SUPT3H: variants seen among roughly 807,000 people sequenced by gnomAD.
SUPT3H encodes SPT3 homolog, SAGA and STAGA complex component.
In SUPT3H, 44 loss-of-function variants were observed where a neutral mutation model predicts 44.3. That is an observed-to-expected ratio of 0.99 (90% CI 0.78 to 1.28). The LOEUF (loss-of-function observed/expected upper bound fraction) is 1.28. Ranked by LOEUF, SUPT3H falls within the 50% of genes most tolerant of loss-of-function variation. The probability of loss-of-function intolerance (pLI) is 0.00; values close to 1 mark genes in which losing one functional copy is unlikely to be tolerated. For missense variants in SUPT3H, 380 were observed against 387.1 expected (o/e 0.98, Z 0.15); for synonymous variants, 124 against 125.6 (o/e 0.99, Z 0.09).
chr6:44,834,390 T>C (rs1442580727), intron 10 of SUPT3H, among the ~76,000 whole-genome samples: 5 of 152,188 alleles, frequency 3.3e-5, no homozygotes, highest in Admixed American at 6.5e-5. Flanking sequence ...TCTCTCACTT[T>C]AGGTTATCTG....
chr6:45,283,076 C>T (rs1441849426), intron 2 of SUPT3H, among the ~76,000 whole-genome samples: 3 of 152,248 alleles, frequency 2.0e-5, no homozygotes, highest in East Asian at 1.9e-4. Flanking sequence ...AAAAGAGCTC[C>T]TGAAGGAAGC....
intron 6 of SUPT3H, among the ~76,000 whole-genome samples, chr6:44,979,137 C>T (rs1778748160): frequency 6.6e-6 from 1 of 152,146 alleles, no homozygotes; most frequent in Admixed American, 6.5e-5. Flanking sequence ...TTTGCATACC[C>T]TCCTTTGCAT....
At position 45,137,023 on chromosome 6, in the gene SUPT3H, A is replaced by G. The variant is rs9395067; in HGVS notation, c.102-31017T>C. On this transcript the variant is annotated intron_variant, in intron 2 of 10. Coordinates refer to ENST00000371459, the MANE Select transcript of SUPT3H (RefSeq NM_003599.4). ...AAGCATAAGATAAGTGACTCATTCC[A>G]TACAAGGGAATTACAACTGGATTAA... Among the ~76,000 whole-genome samples the G allele has an allele frequency of 2.5e-3, 374 of 152,296 alleles. 13 individuals carry two copies. In the East Asian group the frequency reaches 0.065, roughly 26 times the overall value.
chr6:44,864,899 G>T (rs1775253036), intron 10 of SUPT3H, among the ~76,000 whole-genome samples: 4 of 152,202 alleles, frequency 2.6e-5, no homozygotes, highest in Non-Finnish European at 4.4e-5. Flanking sequence ...AAGCTGGCTT[G>T]AATTTCTCCT....
intron 2 of SUPT3H, among the ~76,000 whole-genome samples, chr6:45,172,078 T>C (rs1008531841): frequency 1.3e-4 from 20 of 150,386 alleles, no homozygotes; most frequent in African/African-American, 4.9e-4. Flanking sequence ...TTATCTTTTT[T>C]TTTTTTTCTT....
chr6:45,356,244 T>C (rs1015383779), intron 2 of SUPT3H, among the ~76,000 whole-genome samples: 2 of 151,960 alleles, frequency 1.3e-5, no homozygotes, highest in Admixed American at 6.6e-5. Flanking sequence ...TACATAGGTG[T>C]CCAAAAAAGA....
intron 2 of SUPT3H, among the ~76,000 whole-genome samples, chr6:45,310,518 A>G (rs144333027): frequency 0.017 from 2,664 of 152,254 alleles, 50 homozygotes; most frequent in South Asian, 0.085. Context: ...GAACCCTCAC[A>G]GAGTCCGTTG....
chr6:44,905,161 T>C (rs1237803987), intron 10 of SUPT3H, among the ~76,000 whole-genome samples: 2 of 151,942 alleles, frequency 1.3e-5, no homozygotes, highest in Admixed American at 6.6e-5. Flanking sequence ...GAAGCCAAAA[T>C]TGACAAATGG....
chr6:45,079,299 G>T (rs946539523), intron 3 of SUPT3H, among the ~76,000 whole-genome samples: 3 of 151,938 alleles, frequency 2.0e-5, no homozygotes, highest in Admixed American at 1.3e-4. Flanking sequence ...GCCAGAGTGA[G>T]ACTCCACAAA....
chr6:45,135,596 C>T (rs1804148485), intron 2 of SUPT3H, among the ~76,000 whole-genome samples: 1 of 152,152 alleles, frequency 6.6e-6, no homozygotes, highest in South Asian at 2.1e-4. Context: ...AAGTCCTTTG[C>T]TAATTTATAA....
chr6:45,196,305 A>G (rs1294641729), intron 2 of SUPT3H, among the ~76,000 whole-genome samples: 1 of 152,108 alleles, frequency 6.6e-6, no homozygotes, highest in Admixed American at 6.6e-5. Context: ...AACCACAAAT[A>G]GTAAAAGTGT....
chr6:45,097,231 A>T lies in SUPT3H; in HGVS notation c.186+8691T>A, dbSNP rs147047067. On this transcript the variant is annotated intron_variant, in intron 3 of 10. Coordinates refer to ENST00000371459, the MANE Select transcript of SUPT3H (RefSeq NM_003599.4). ...TTCCTCAAATATGAGGTGTCCCTGAACATTCTTTTGAATACTGGTGTTTCA... is the reference window on the plus strand; with the variant it reads ...TTCCTCAAATATGAGGTGTCCCTGATCATTCTTTTGAATACTGGTGTTTCA... Among the ~76,000 whole-genome samples, 1,160 of 152,310 alleles carry T rather than the reference A, an allele frequency of 7.6e-3. 8 individuals are homozygous for T. The highest frequency in any genetic ancestry group is 0.012 in the Non-Finnish European group (825 of 68,030).
At chr6:45,233,155 A>G (rs1768398141) in intron 2 of SUPT3H, among the ~76,000 whole-genome samples, 1 of 152,260 alleles carries the variant, frequency 6.6e-6, no homozygotes, top group African/African-American at 2.4e-5. Context: ...GGTGTGCTGC[A>G]CTGTCCTTAC....
chr6:44,961,878 T>A lies in SUPT3H; in HGVS notation c.505-50A>T, dbSNP rs1166744969. 2.1e-6 allele frequency: 3 copies of A among 1,425,900 alleles called. 1 individual carries two copies. The highest frequency in any genetic ancestry group is 1.4e-5 in the African/African-American group (1 of 70,158). The allele number at this position is 1,425,900 out of a possible 1,614,324, so 88.3% of individuals were successfully genotyped here. On this transcript the variant is annotated intron_variant, in intron 6 of 10. Coordinates refer to ENST00000371459, the MANE Select transcript of SUPT3H (RefSeq NM_003599.4). ...TTTTTAAAGCAAGCAGATTATTATA[T>A]ATGTTTTCACAGCTTAAACTTAGAA...
intron 2 of SUPT3H, among the ~76,000 whole-genome samples, chr6:45,253,354 AT>A (rs1448259193): frequency 6.6e-6 from 1 of 152,202 alleles, no homozygotes; most frequent in Non-Finnish European, 1.5e-5. Flanking sequence ...GTAGACAACA[AT>A]GATCTGATAA....
chr6:45,086,644 A>G (rs1796508753), intron 3 of SUPT3H, among the ~76,000 whole-genome samples: 2 of 151,922 alleles, frequency 1.3e-5, no homozygotes, highest in South Asian at 4.1e-4. Flanking sequence ...CAATTCTTCC[A>G]TCTCTAAAAC....
At chr6:45,350,156 T>C (rs976685849) in intron 2 of SUPT3H, among the ~76,000 whole-genome samples, 1 of 152,224 alleles carries the variant, frequency 6.6e-6, no homozygotes, top group Non-Finnish European at 1.5e-5. Flanking sequence ...ATATTTCTAA[T>C]ACAATTAGAA....
intron 2 of SUPT3H, among the ~76,000 whole-genome samples, chr6:45,345,551 T>C (rs1159450695): frequency 1.3e-5 from 2 of 152,198 alleles, no homozygotes; most frequent in Non-Finnish European, 1.5e-5. Flanking sequence ...ATAGAAACCT[T>C]GGAATCATTT....
At chr6:44,830,821 T>C (rs1768527513) in intron 10 of SUPT3H, among the ~76,000 whole-genome samples, 1 of 149,408 alleles carries the variant, frequency 6.7e-6, no homozygotes, top group Admixed American at 6.7e-5. Context: ...CTTAGGCTAA[T>C]AACTCTGAAG....
Sources: gnomAD v4.1 joint callset for allele counts (sites outside exome capture counted in the v4.1 genomes callset) on GRCh38, gnomAD v4.1.1 for gene constraint, MANE v1.5 for transcripts, NCBI Gene and HGNC (gene_info 2026-07-23, HGNC 2026-07-21) for gene names.